The following XAGE5 variants were observed in gnomAD, a reference collection of about 807,000 sequenced individuals.
XAGE5 encodes X antigen family member 5, also known as G antigen, family D, 5.
A neutral mutation model predicts 13.1 loss-of-function variants in XAGE5; 13 were observed. That is an observed-to-expected ratio of 0.99 (90% confidence interval 0.64 to 1.57). The LOEUF is 1.57. XAGE5 is among the 40% of genes most tolerant of loss of function. XAGE5 has a pLI of 0.00. For missense variants in XAGE5, 86 were observed against 77.6 expected (o/e 1.11, Z -0.41); for synonymous variants, 17 against 25.0 (o/e 0.68, Z 0.96).
chrX:52,815,289 G>T, intron 5 of XAGE5, 72 bp downstream of exon 5: 1 of 1,079,615 alleles, frequency 9.3e-7, no homozygotes, highest in Non-Finnish European at 1.2e-6. Context: ...GATAATAAAA[G>T]GAGAGAATAT....
chrX:52,811,333 G>T lies in XAGE5; in HGVS notation c.-260G>T, dbSNP rs1926789661. On this transcript the variant is annotated 5_prime_UTR_variant, in exon 1 of 6. Transcript: ENST00000375501. Reference sequence around the variant, plus strand: ...CGGGAGCTGTGATCCTGCACTTCGGGTCCCTGAGGTCTGGATTCTTTCTCC... The same window carrying T: ...CGGGAGCTGTGATCCTGCACTTCGGTTCCCTGAGGTCTGGATTCTTTCTCC... 9.0e-6 allele frequency among the ~76,000 whole-genome samples: 1 copy of T among 111,599 alleles called. No individual in the cohort carries two copies. Among genetic ancestry groups the T allele is most frequent in the South Asian group, 3.8e-4 (1 of 2,648 alleles).
intron 5 of XAGE5, among the ~76,000 whole-genome samples, chrX:52,816,091 G>A (rs782270344): frequency 1.8e-5 from 2 of 111,427 alleles, no homozygotes; most frequent in East Asian, 5.6e-4. Flanking sequence ...TTACAGGTGC[G>A]TGCCACCACG....
chrX:52,814,490 A>T (rs1461130897), intron 4 of XAGE5: 1 of 193,955 alleles, frequency 5.2e-6, no homozygotes, highest in Non-Finnish European at 9.8e-6. Context: ...CAGAGACAGA[A>T]TTTGGGCCAT....
In XAGE5 at chrX:52,811,339, G is replaced by A. The variant is rs1306759419; in HGVS notation, c.-254G>A. ...CTGTGATCCTGCACTTCGGGTCCCT[G>A]AGGTCTGGATTCTTTCTCCCCTACT... is the stretch of plus-strand genomic sequence containing the variant. On this transcript the variant is annotated 5_prime_UTR_variant, in exon 1 of 6. Coordinates refer to ENST00000375501, the MANE Select transcript of XAGE5 (RefSeq NM_001386970.1). 1.8e-5 allele frequency among the ~76,000 whole-genome samples: 2 copies of A among 111,695 alleles called. No homozygotes were observed. The highest frequency in any genetic ancestry group is 3.8e-5 in the Non-Finnish European group (2 of 53,065).
chrX:52,815,214 G>A lies in XAGE5; in HGVS notation c.301G>A (p.Gly101Arg), dbSNP rs782007681. 1 of 1,206,049 alleles carries A rather than the reference G, an allele frequency of 8.3e-7. No individual in the cohort carries two copies. The highest frequency in any genetic ancestry group is 3.0e-5 in the East Asian group (1 of 33,740). The change falls in exon 5 of 6, where the codon GGA becomes AGA. Residue 101 changes from glycine to arginine, a missense_variant. Coordinates refer to ENST00000375501, the MANE Select transcript of XAGE5 (RefSeq NM_001386970.1). ...PKSEQFKMPE[G>R]GEGKPQL is the part of the protein sequence containing the mutation. ...ATCAGAGCAATTTAAAATGCCAGAAGGAGGTATGTTATCCATTAAGATTAA... is the reference window on the plus strand; with the variant it reads ...ATCAGAGCAATTTAAAATGCCAGAAAGAGGTATGTTATCCATTAAGATTAA...
chrX:52,814,475 C>CGT (rs1926865407), intron 4 of XAGE5: 1 of 197,210 alleles, frequency 5.1e-6, no homozygotes, highest in Admixed American at 6.2e-5. Flanking sequence ...CATTTTCAAA[C>CGT]TAATCAGAGA....
intron 3 of XAGE5, 151 bp downstream of exon 3, chrX:52,812,789 G>T: frequency 1.9e-6 from 1 of 537,513 alleles, no homozygotes. Context: ...AACCCAAGAA[G>T]ACTACATACT....
At chrX:52,814,077 G>A (rs1926856468) in intron 4 of XAGE5, 1 of 228,091 alleles carries the variant, frequency 4.4e-6, no homozygotes, top group African/African-American at 2.9e-5. Context: ...GACTCATGGA[G>A]AAGGAATTCA....
chrX:52,812,270 T>G, intron 2 of XAGE5: 2 of 246,952 alleles, frequency 8.1e-6, no homozygotes, highest in Non-Finnish European at 1.4e-5. Flanking sequence ...GGTTTTTGCT[T>G]TGGTTTGGTT....
In XAGE5 at chrX:52,817,967, A is replaced by G. The variant is rs150109854; in HGVS notation, c.305-224A>G. 6.4e-3 allele frequency among the ~76,000 whole-genome samples: 722 copies of G among 111,985 alleles called. 4 individuals are homozygous for G. Among genetic ancestry groups the G allele is most frequent in the African/African-American group, 0.022 (679 of 30,833 alleles). On this transcript the variant is annotated intron_variant, in intron 5 of 5. Coordinates refer to ENST00000375501, the MANE Select transcript of XAGE5 (RefSeq NM_001386970.1). Reference sequence around the variant, plus strand: ...TGTCTTTTGGTTTCCTTCTAGCACTAAAAGCAGGGTGTGTTTTAAAAATGT... The same window carrying G: ...TGTCTTTTGGTTTCCTTCTAGCACTGAAAGCAGGGTGTGTTTTAAAAATGT...
chrX:52,812,505 C>T (rs1926818481), intron 2 of XAGE5, 54 bp from the exon 3 acceptor site: 4 of 1,106,704 alleles, frequency 3.6e-6, no homozygotes, highest in Middle Eastern at 3.1e-4. Flanking sequence ...AGCTTCTGAC[C>T]TCAGGTGATC....
chrX:52,813,139 G>A lies in XAGE5; in HGVS notation c.73-1G>A. The A allele has an allele frequency of 7.4e-6, 9 of 1,209,904 alleles. No individual in the cohort carries two copies. The highest frequency in any genetic ancestry group is 1.0e-5 in the Non-Finnish European group (9 of 894,497). On this transcript the variant is annotated splice_acceptor_variant, in intron 3 of 5. Coordinates refer to ENST00000375501, the MANE Select transcript of XAGE5 (RefSeq NM_001386970.1). LOFTEE classifies it high-confidence loss of function. ...CACCACCACCCCCGCCCTTGTCCCA[G>A]GAGCCCAGTGTGCCAGAGCCTCAAC...
chrX:52,812,344 G>T lies in XAGE5; in HGVS notation c.-8-215G>T, dbSNP rs187790648. On this transcript the variant is annotated intron_variant, in intron 2 of 5. Coordinates refer to ENST00000375501, the MANE Select transcript of XAGE5 (RefSeq NM_001386970.1). ...GCTGGAGTGCAATGGTGCAATCTCG[G>T]CTGGCTGCAACATTCGCCCCCCGGT... 5.2e-4 allele frequency: 189 copies of T among 361,589 alleles called. 2 individuals carry two copies. In the East Asian group the frequency reaches 7.8e-3, roughly 15 times the overall value. The allele number at this position is 361,589 out of a possible 1,213,427, so 29.8% of individuals were successfully genotyped here.
chrX:52,817,420 A>G (rs1926926203), intron 5 of XAGE5, among the ~76,000 whole-genome samples: 1 of 111,792 alleles, frequency 8.9e-6, no homozygotes, highest in Non-Finnish European at 1.9e-5. Flanking sequence ...TCACATTTTA[A>G]TATCAATCAT....
chrX:52,812,565 A>G lies in XAGE5; in HGVS notation c.-2A>G. On this transcript the variant is annotated 5_prime_UTR_variant, in exon 3 of 6. Coordinates refer to ENST00000375501, the MANE Select transcript of XAGE5 (RefSeq NM_001386970.1). ...CACACTATTCTGTTTGCAGACTGAA[A>G]TATGAGTTGGCGAGGAAGAAGATAT... is the stretch of plus-strand genomic sequence containing the variant. 1 of 1,210,669 alleles carries G rather than the reference A, an allele frequency of 8.3e-7. No individual in the cohort carries two copies. The highest frequency in any genetic ancestry group is 3.0e-5 in the East Asian group (1 of 33,826).
intron 2 of XAGE5, among the ~76,000 whole-genome samples, 191 bp downstream of exon 2, chrX:52,811,910 G>A (rs782768249): frequency 6.3e-5 from 7 of 111,190 alleles, no homozygotes; most frequent in Non-Finnish European, 1.3e-4. Flanking sequence ...ATTTTAGGGG[G>A]GAAACGGGCC....
chrX:52,816,121 T>C (rs1335932034), intron 5 of XAGE5, among the ~76,000 whole-genome samples: 1 of 111,186 alleles, frequency 9.0e-6, no homozygotes, highest in Non-Finnish European at 1.9e-5. Context: ...CTTTTGTATT[T>C]TTAATAGAGA....
chrX:52,816,132 C>T (rs782746446), intron 5 of XAGE5, among the ~76,000 whole-genome samples: 1 of 110,604 alleles, frequency 9.0e-6, no homozygotes, highest in African/African-American at 3.3e-5. Context: ...TTAATAGAGA[C>T]GGGGTTTCAC....
At chrX:52,817,282 C>T (rs1556778193) in intron 5 of XAGE5, among the ~76,000 whole-genome samples, 1 of 111,901 alleles carries the variant, frequency 8.9e-6, no homozygotes, top group South Asian at 3.7e-4. Flanking sequence ...ATTTGCTAGT[C>T]GTCCCTCAAA....
Sources: allele counts gnomAD v4.1 joint callset (sites outside exome capture counted in the v4.1 genomes callset), GRCh38; gene constraint gnomAD v4.1.1; transcripts MANE v1.5; gene names NCBI Gene and HGNC (gene_info 2026-07-23, HGNC 2026-07-21).